Variants in CCDC187 observed in about 807,000 individuals in gnomAD.
CCDC187 encodes the protein coiled-coil domain-containing protein 187.
A neutral mutation model predicts 38.0 loss-of-function variants in CCDC187; 32 were observed. That is an observed-to-expected ratio of 0.84 (90% CI 0.64 to 1.13). CCDC187 has a LOEUF of 1.13. Ranked by LOEUF, CCDC187 falls within the 50% of genes most tolerant of loss-of-function variation. The pLI is 0.00. For missense variants in CCDC187, 707 were observed against 786.8 expected, an observed-to-expected ratio of 0.90 and a Z score of 1.21; for synonymous variants, 333 against 347.9, an observed-to-expected ratio of 0.96 and a Z score of 0.48.
rs1831646190 is a variant in CCDC187 at position 136,300,302 on chromosome 9, A to G, written c.642T>C (p.Ser214=). 2 of 398,642 alleles carry G rather than the reference A, an allele frequency of 5.0e-6. No individual in the cohort carries two copies. Among genetic ancestry groups the G allele is most frequent in the Non-Finnish European group, 8.8e-6 (2 of 226,066 alleles). 24.7% of individuals were successfully genotyped at this position (398,642 alleles called of 1,614,324 possible). ...APECSGFSIL[S]AAERRVEAKA... Reference sequence around the variant, plus strand: ...TGGCTTCAACTCTGCGCTCAGCTGCACTCAAGATGCTGAAACCTGGAACAG... The same window carrying G: ...TGGCTTCAACTCTGCGCTCAGCTGCGCTCAAGATGCTGAAACCTGGAACAG... The change falls in exon 3 of 26, where the codon AGT becomes AGC. Residue 214 remains serine, a synonymous_variant. Transcript: ENST00000638797.
intron 5 of CCDC187, among the ~76,000 whole-genome samples, 171 bp downstream of exon 5, chr9:136,291,990 A>C (rs1455962551): frequency 6.6e-6 from 1 of 152,210 alleles, no homozygotes; most frequent in African/African-American, 2.4e-5. Flanking sequence ...CTTATTGCCC[A>C]AAGTCCCCAG....
Position 136,264,905 on chromosome 9 carries a change from G to A in CCDC187, c.3735+1051C>T, listed in dbSNP as rs1317182653. 2.0e-5 allele frequency among the ~76,000 whole-genome samples: 3 copies of A among 152,096 alleles called. No individual in the cohort carries two copies. Among genetic ancestry groups the A allele is most frequent in the Non-Finnish European group, 4.4e-5 (3 of 68,010 alleles). On this transcript the variant is annotated intron_variant, in intron 17 of 25. Transcript: ENST00000638797. The surrounding 1 kb of genome is among the most constrained non-coding windows in gnomAD (Gnocchi z 4.3). The stretch of plus-strand genomic sequence containing the variant: ...CAAATAGCTGGGACTATAGGCATTG[G>A]CCACCTATAGTGGCAGATTTATTTT...
intron 4 of CCDC187, among the ~76,000 whole-genome samples, chr9:136,293,999 CAT>C (rs1195978511): frequency 7.9e-5 from 12 of 151,620 alleles, no homozygotes; most frequent in Admixed American, 2.6e-4. Context: ...CACTCACACT[CAT>C]ATACACACGC....
In CCDC187 at chr9:136,263,748, C is replaced by T; in HGVS notation, c.3786G>A (p.Arg1262=). Residue 1262 remains arginine, a synonymous_variant, in exon 18 of 26, where the codon AGG becomes AGA. Transcript: ENST00000638797. Reference sequence around the variant, plus strand: ...CCCTCTGATGCTGCAGAAGCAGCTTCCTGTCCCGGTGCCTGAACAGCTGCG... The same window carrying T: ...CCCTCTGATGCTGCAGAAGCAGCTTTCTGTCCCGGTGCCTGAACAGCTGCG... ...RHTQLFRHRD[R]KLLLQHQRDV... 1.0e-6 allele frequency: 1 copy of T among 985,482 alleles called. No individual in the cohort carries two copies. The highest frequency in any genetic ancestry group is 1.2e-6 in the Non-Finnish European group (1 of 829,940). The allele number at this position is 985,482 out of a possible 1,614,324, so 61.0% of individuals were successfully genotyped here. A position where few individuals can be genotyped will look rare whatever the true frequency, so the allele number is the denominator to read the frequency against.
chr9:136,293,940 CCACACACA>C (rs1223300064), intron 4 of CCDC187, among the ~76,000 whole-genome samples: 1 of 150,034 alleles, frequency 6.7e-6, no homozygotes, highest in Non-Finnish European at 1.5e-5. Context: ...TCGTGCTCTC[CCACACACA>C]CATGCTCATA....
rs1380434736 is a variant in CCDC187 at position 136,291,037 on chromosome 9, G to C, written c.1576C>G (p.Pro526Ala). Residue 526 changes from proline to alanine, a missense_variant, in exon 6 of 26, where the codon CCC becomes GCC. By Grantham distance (27) the Pro-to-Ala change is conservative. Transcript: ENST00000638797. Reference sequence around the variant, plus strand: ...GCACTCCAGGGCTGCTGGGGGAAGGGGCTCCGCTTTTCAGGGGGGCTCCCA... The same window carrying C: ...GCACTCCAGGGCTGCTGGGGGAAGGCGCTCCGCTTTTCAGGGGGGCTCCCA... ...RPGSPPEKRS[P>A]FPQQPWSAVA... 2 of 398,632 alleles carry C rather than the reference G, an allele frequency of 5.0e-6. No homozygotes were observed. The highest frequency in any genetic ancestry group is 8.8e-5 in the Admixed American group (2 of 22,728). The allele number at this position is 398,632 out of a possible 1,614,324, so 24.7% of individuals were successfully genotyped here. A position where few individuals can be genotyped will look rare whatever the true frequency, so the allele number is the denominator to read the frequency against.
At chr9:136,288,117 G>A (rs1232399970) in intron 7 of CCDC187, among the ~76,000 whole-genome samples, 3 of 152,310 alleles carry the variant, frequency 2.0e-5, no homozygotes, top group South Asian at 2.1e-4. Context: ...GGAGCCCGAC[G>A]GTGGCCAGTG....
At chr9:136,272,161 G>A (rs1224643705) in intron 14 of CCDC187, among the ~76,000 whole-genome samples, 1 of 152,126 alleles carries the variant, frequency 6.6e-6, no homozygotes, top group Non-Finnish European at 1.5e-5. Context: ...CACCAGAAAT[G>A]CTAAGGGAAA....
intron 16 of CCDC187, 65 bp from the exon 17 acceptor site, chr9:136,266,108 C>G (rs1425511644): frequency 1.1e-6 from 1 of 906,080 alleles, no homozygotes; most frequent in Non-Finnish European, 1.3e-6. Flanking sequence ...TAGAAAGTCA[C>G]AGACACAGCC....
intron 6 of CCDC187, 57 bp from the exon 7 acceptor site, chr9:136,290,110 T>C (rs1831281965): frequency 5.0e-6 from 2 of 398,384 alleles, no homozygotes; most frequent in East Asian, 7.1e-5. Context: ...ACACGCCCCG[T>C]TCTCTCAGCC....
At chr9:136,278,624 T>G (rs1282724810) in intron 10 of CCDC187, among the ~76,000 whole-genome samples, 9 of 152,300 alleles carry the variant, frequency 5.9e-5, no homozygotes, top group African/African-American at 1.4e-4. Context: ...CTGGTAGTGA[T>G]GATGTTAACT....
chr9:136,290,536 G>A lies in CCDC187; in HGVS notation c.2077C>T (p.Arg693Trp), dbSNP rs1362665039. ...VLGRAVPVVS[R>W]TTPGIVTFVP... Reference sequence around the variant, plus strand: ...AAGGTCACGATGCCAGGGGTGGTCCGGGAGACCACGGGGACCGCCCTGCCG... The same window carrying A: ...AAGGTCACGATGCCAGGGGTGGTCCAGGAGACCACGGGGACCGCCCTGCCG... The change falls in exon 6 of 26, where the codon CGG becomes TGG. Residue 693 changes from arginine to tryptophan, a missense_variant. Physicochemically the swap from Arg to Trp is moderately radical, Grantham distance 101. Coordinates refer to ENST00000638797, the MANE Select transcript of CCDC187 (RefSeq NM_001378188.1). 19 of 398,796 alleles carry A rather than the reference G, an allele frequency of 4.8e-5. No individual in the cohort carries two copies. In the South Asian group the frequency reaches 6.4e-4, roughly 13 times the overall value. 24.7% of individuals were successfully genotyped at this position (398,796 alleles called of 1,614,324 possible). A position where few individuals can be genotyped will look rare whatever the true frequency, so the allele number is the denominator to read the frequency against.
rs1830547934 is a variant in CCDC187, at chr9:136,252,040, CTGGGAAGGT to C, written c.*1545_*1553del. ...GAGCCGGCCGCCCACCCAGTCCACC[CTGGGAAGGT>C]CCAGGCAACCATCCCGCACAGCCGG... On this transcript the variant is annotated 3_prime_UTR_variant, in exon 26 of 26. Transcript: ENST00000638797. 1 of 106,240 alleles carries C rather than the reference CTGGGAAGGT, an allele frequency of 9.4e-6. No individual in the cohort carries two copies. Among genetic ancestry groups the C allele is most frequent in the Non-Finnish European group, 2.2e-5 (1 of 44,488 alleles). 6.6% of individuals were successfully genotyped at this position (106,240 alleles called of 1,614,324 possible).
rs949641546 is a variant in CCDC187 at position 136,297,988 on chromosome 9, G to A, written c.725-167C>T. ...GCGAGAGCCAGGGTGGGCAGCTAAC[G>A]CTGGGGACAGGCCACAGTCTGACTG... On this transcript the variant is annotated intron_variant, in intron 3 of 25. Coordinates refer to ENST00000638797, the MANE Select transcript of CCDC187 (RefSeq NM_001378188.1). Among the ~76,000 whole-genome samples, 1,335 of 152,360 alleles carry A rather than the reference G, an allele frequency of 8.8e-3. 8 individuals carry two copies. Among genetic ancestry groups the A allele is most frequent in the African/African-American group, 0.03 (1,259 of 41,584 alleles).
At chr9:136,256,950 G>A (rs1163276364) in intron 22 of CCDC187, 109 bp from the exon 23 acceptor site, 2 of 152,264 alleles carry the variant, frequency 1.3e-5, no homozygotes, top group Admixed American at 1.3e-4. Context: ...TCAAAGTGGT[G>A]TACACCTTTC....
chr9:136,302,008 G>A (rs1220500769), intron 2 of CCDC187, among the ~76,000 whole-genome samples: 2 of 151,996 alleles, frequency 1.3e-5, no homozygotes, highest in Admixed American at 6.6e-5. Flanking sequence ...TCAGGATTTC[G>A]AGGCCAGCCT....
intron 10 of CCDC187, among the ~76,000 whole-genome samples, chr9:136,277,978 G>A (rs1830965695): frequency 6.6e-6 from 1 of 152,162 alleles, no homozygotes; most frequent in African/African-American, 2.4e-5. Flanking sequence ...AGCAGCAGAG[G>A]ACACCCCAAA....
In CCDC187 at chr9:136,261,089, C is replaced by T. The variant is rs146047244; in HGVS notation, c.4065-825G>A. On this transcript the variant is annotated intron_variant, in intron 19 of 25. Transcript: ENST00000638797. ...TCATTCCCCTCCCCTACACCCTCCTCGGCACGCGGCGTCTCAGGCCAGGAC... is the reference window on the plus strand; with the variant it reads ...TCATTCCCCTCCCCTACACCCTCCTTGGCACGCGGCGTCTCAGGCCAGGAC... Among the ~76,000 whole-genome samples, 719 of 152,148 alleles carry T rather than the reference C, an allele frequency of 4.7e-3. 2 individuals carry two copies. Among genetic ancestry groups the T allele is most frequent in the Admixed American group, 0.01 (153 of 15,292 alleles).
chr9:136,262,932 G>A (rs116937243), intron 18 of CCDC187, among the ~76,000 whole-genome samples: 2,052 of 152,150 alleles, frequency 0.013, 19 homozygotes, highest in Non-Finnish European at 0.021. Flanking sequence ...TCCGTCTGCC[G>A]GTGGACATGG....
Sources: allele counts gnomAD v4.1 joint callset (sites outside exome capture counted in the v4.1 genomes callset), GRCh38; gene constraint gnomAD v4.1.1; non-coding constraint Gnocchi (gnomAD v3.1); transcripts MANE v1.5; gene names NCBI Gene and HGNC (gene_info 2026-07-23, HGNC 2026-07-21).